Variants in CDC26 observed in about 807,000 individuals in gnomAD.
CDC26 encodes anaphase-promoting complex subunit CDC26.
CDC26 carries 2 observed loss-of-function variants against 8.0 expected under a neutral mutation model. The ratio of observed to expected loss-of-function variants is 0.25; its 90% CI spans 0.10 to 0.79. The LOEUF (loss-of-function observed/expected upper bound fraction) is 0.79. CDC26 is among the 30% of genes least tolerant of loss of function. CDC26 has a pLI of 0.70. For synonymous variants in CDC26, 19 were observed against 34.9 expected (o/e 0.55, Z 1.60); for missense variants, 68 against 106.0 (o/e 0.64, Z 1.57).
chr9:113,275,516 T>C lies in CDC26; in HGVS notation c.-286A>G. 2.0e-6 allele frequency: 1 copy of C among 489,738 alleles called. No homozygotes were observed. Among genetic ancestry groups the C allele is most frequent in the East Asian group, 3.4e-5 (1 of 29,228 alleles). 30.3% of individuals were successfully genotyped at this position (489,738 alleles called of 1,614,324 possible). ...CGCAGAACCTCGTCTTCCGCGAGCT[T>C]TTCCTGGAGGTTCTAGGAGGGATGC... On this transcript the variant is annotated 5_prime_UTR_variant, in exon 1 of 4. Transcript: ENST00000374206.
In CDC26 at chr9:113,275,549, T is replaced by C. The variant is rs1000842150; in HGVS notation, c.-319A>G. The C allele has an allele frequency of 3.6e-6, 2 of 559,706 alleles. No individual in the cohort carries two copies. Among genetic ancestry groups the C allele is most frequent in the Non-Finnish European group, 6.3e-6 (2 of 319,262 alleles). 34.7% of individuals were successfully genotyped at this position (559,706 alleles called of 1,614,324 possible). A position where few individuals can be genotyped will look rare whatever the true frequency, so the allele number is the denominator to read the frequency against. ...AGGTTCTAGGAGGGATGCCCCTCAA[T>C]GCCACGACGCCATTTCCTACTACGA... On this transcript the variant is annotated 5_prime_UTR_variant, in exon 1 of 4. Transcript: ENST00000374206.
At chr9:113,271,716 G>T (rs1373237682) in intron 3 of CDC26, among the ~76,000 whole-genome samples, 1 of 152,222 alleles carries the variant, frequency 6.6e-6, no homozygotes, top group African/African-American at 2.4e-5. Context: ...TGTTACAGCA[G>T]CCACAGGAGA....
Position 113,272,866 on chromosome 9 carries a change from G to GT in CDC26, c.-41-319dup, listed in dbSNP as rs1831982045. On this transcript the variant is annotated intron_variant, in intron 2 of 3. Coordinates refer to ENST00000374206, the MANE Select transcript of CDC26 (RefSeq NM_139286.4). Reference sequence around the variant, plus strand: ...ACCGCCATACCTGGCTAATTTTTGTGTTTTTTGTAGAAATGGGATCTCTCT... The same window carrying GT: ...ACCGCCATACCTGGCTAATTTTTGTGTTTTTTTGTAGAAATGGGATCTCTCT... Among the ~76,000 whole-genome samples the GT allele has an allele frequency of 2.6e-5, 4 of 151,948 alleles. No homozygotes were observed. The South Asian group carries it at 8.3e-4, about 32-fold the overall frequency.
rs1329552744 is a variant in CDC26, at chr9:113,273,397, T to C, written c.-110A>G. 6.6e-6 allele frequency: 1 copy of C among 152,256 alleles called. No homozygotes were observed. Among genetic ancestry groups the C allele is most frequent in the Non-Finnish European group, 1.5e-5 (1 of 68,042 alleles). 9.4% of individuals were successfully genotyped at this position (152,256 alleles called of 1,614,324 possible). ...TGTACGTCATTCATTAAACAAACAC[T>C]TCTTGTGTTCCAGCTACAAAGTTAA... On this transcript the variant is annotated 5_prime_UTR_variant, in exon 2 of 4. Coordinates refer to ENST00000374206, the MANE Select transcript of CDC26 (RefSeq NM_139286.4).
At position 113,275,499 on chromosome 9, in the gene CDC26, C is replaced by G. The variant is rs1832053256; in HGVS notation, c.-269G>C. ...CTTGGAGCCTCTCTCTCCGCAGAAC[C>G]TCGTCTTCCGCGAGCTTTTCCTGGA... is the stretch of plus-strand genomic sequence containing the variant. On this transcript the variant is annotated 5_prime_UTR_variant, in exon 1 of 4. Coordinates refer to ENST00000374206, the MANE Select transcript of CDC26 (RefSeq NM_139286.4). The G allele has an allele frequency of 6.2e-6, 3 of 486,062 alleles. No individual in the cohort carries two copies. The highest frequency in any genetic ancestry group is 6.0e-5 in the African/African-American group (3 of 49,688). 30.1% of individuals were successfully genotyped at this position (486,062 alleles called of 1,614,324 possible). A position where few individuals can be genotyped will look rare whatever the true frequency, so the allele number is the denominator to read the frequency against.
rs751991272 is a variant in CDC26, at chr9:113,267,415, C to T, written c.106G>A (p.Val36Met). ...LETRKKQKED[V>M]EVVGGSDGEG... ...CCATCACTGCCTCCTACAACTTCCA[C>T]ATCTTCCTTCTGTTTCTTACGGGTC... The change falls in exon 4 of 4, where the codon GTG (valine) becomes ATG (methionine). Residue 36 changes from valine (V) to methionine (M), a missense_variant. Physicochemically the swap from Val to Met is conservative, Grantham distance 21. Coordinates refer to ENST00000374206, the MANE Select transcript of CDC26 (RefSeq NM_139286.4). 2.5e-6 allele frequency: 4 copies of T among 1,595,912 alleles called. No homozygotes were observed. Among genetic ancestry groups the T allele is most frequent in the Admixed American group, 1.8e-5 (1 of 54,464 alleles).
intron 3 of CDC26, 140 bp downstream of exon 3, chr9:113,272,287 C>A: frequency 1.5e-6 from 1 of 661,872 alleles, no homozygotes. Context: ...GGCGTGCTGG[C>A]ATGAACCTGT....
intron 2 of CDC26, 136 bp from the exon 3 acceptor site, chr9:113,272,684 C>G: frequency 2.4e-6 from 1 of 422,520 alleles, no homozygotes. Flanking sequence ...ACATAGACTT[C>G]TAAAGTCTTT....
chr9:113,270,512 GA>G (rs899146911), intron 3 of CDC26, among the ~76,000 whole-genome samples: 3 of 152,108 alleles, frequency 2.0e-5, no homozygotes, highest in African/African-American at 7.2e-5. Context: ...TAAATGCTAT[GA>G]AAAAAATATG....
Position 113,272,256 on chromosome 9 carries a change from T to TAAAAATAA in CDC26, c.81+163_81+170dup, listed in dbSNP as rs571033560. 8.4e-3 allele frequency among the ~76,000 whole-genome samples: 1,279 copies of TAAAAATAA among 151,948 alleles called. 19 individuals are homozygous for TAAAAATAA. The highest frequency in any genetic ancestry group is 0.029 in the African/African-American group (1,196 of 41,422). ...CAACATGGCAAAACCCCAACTCTAC[T>TAAAAATAA]AAAAATAAAAAAATGAGCTGGGCGT... On this transcript the variant is annotated intron_variant, in intron 3 of 3. Transcript: ENST00000374206.
intron 2 of CDC26, 50 bp from the exon 3 acceptor site, chr9:113,272,598 G>T: frequency 1.1e-6 from 1 of 873,164 alleles, no homozygotes; most frequent in Non-Finnish European, 1.9e-6. Context: ...TAAAGTCTCA[G>T]ATACAAAACA....
intron 3 of CDC26, among the ~76,000 whole-genome samples, chr9:113,267,895 G>A (rs546749799): frequency 2.0e-5 from 3 of 152,320 alleles, no homozygotes; most frequent in East Asian, 3.9e-4. Context: ...GCTGAGGCAG[G>A]AGAATCGCTT....
chr9:113,270,664 G>A (rs559870585), intron 3 of CDC26, among the ~76,000 whole-genome samples: 16 of 152,266 alleles, frequency 1.1e-4, no homozygotes, highest in South Asian at 2.1e-4. Context: ...CTCCAGGCAG[G>A]GGGAAATAAT....
chr9:113,271,979 C>T (rs1392902237), intron 3 of CDC26, among the ~76,000 whole-genome samples: 3 of 152,106 alleles, frequency 2.0e-5, no homozygotes, highest in Non-Finnish European at 4.4e-5. Context: ...CTCAGGCATG[C>T]GCCACCCTGC....
At chr9:113,272,355 C>A in intron 3 of CDC26, 72 bp downstream of exon 3, 1 of 1,197,092 alleles carries the variant, frequency 8.4e-7, no homozygotes, top group South Asian at 1.2e-5. Context: ...GGGCCAAGAT[C>A]ATGCCACTGT....
At chr9:113,267,512 AT>A (rs1443071925) in intron 3 of CDC26, 73 bp from the exon 4 acceptor site, 44 of 1,517,950 alleles carry the variant, frequency 2.9e-5, no homozygotes, top group Non-Finnish European at 3.9e-5. Context: ...AACACCTACC[AT>A]GTACTAGGCA....
At chr9:113,272,345 G>T in intron 3 of CDC26, 82 bp downstream of exon 3, 1 of 1,070,414 alleles carries the variant, frequency 9.3e-7, no homozygotes, top group Non-Finnish European at 1.4e-6. Context: ...AGGTTGCAGT[G>T]GGCCAAGATC....
At chr9:113,269,899 T>C (rs1311885581) in intron 3 of CDC26, among the ~76,000 whole-genome samples, 8 of 152,224 alleles carry the variant, frequency 5.3e-5, no homozygotes, top group African/African-American at 1.7e-4. Context: ...CTCTGCCATA[T>C]AGTACAAGAT....
intron 3 of CDC26, 35 bp downstream of exon 3, chr9:113,272,392 C>A: frequency 6.7e-7 from 1 of 1,493,302 alleles, no homozygotes; most frequent in Non-Finnish European, 9.3e-7. Context: ...CAGAGCGAGA[C>A]TCCATCTCAA....
Sources: gnomAD v4.1 joint callset for allele counts (sites outside exome capture counted in the v4.1 genomes callset) on GRCh38, gnomAD v4.1.1 for gene constraint, MANE v1.5 for transcripts, NCBI Gene and HGNC (gene_info 2026-07-23, HGNC 2026-07-21) for gene names.